AK9: variants seen among roughly 807,000 people sequenced by gnomAD.
The protein encoded by AK9 is adenylate kinase domain containing 1.
In AK9, 191 loss-of-function variants were observed where a neutral mutation model predicts 239.6. The observed-to-expected ratio is 0.80, with a 90% confidence interval of 0.71 to 0.90. The LOEUF (loss-of-function observed/expected upper bound fraction) is 0.90. Among genes scored for constraint, AK9 ranks in the 40% least tolerant of loss-of-function variants. The pLI is 0.00. For missense variants in AK9, 1,995 were observed against 2,214.7 expected, an observed-to-expected ratio of 0.90 and a Z score of 1.99; for synonymous variants, 689 against 721.0, an observed-to-expected ratio of 0.96 and a Z score of 0.71.
rs537934879 is a variant in AK9, at chr6:109,614,220, A to G, written c.1572T>C (p.Asn524=). ...DTEEAKTKSE[N]VLHDQAAKVD... ...CTTTAGCAGCTTGATCATGGAGGAC[A>G]TTTTCTGACTTTGTTTTGGCTTCTT... Residue 524 remains asparagine, a synonymous_variant, in exon 15 of 41, where the codon AAT becomes AAC. Transcript: ENST00000424296. 2 of 1,551,128 alleles carry G rather than the reference A, an allele frequency of 1.3e-6. No homozygotes were observed. Among genetic ancestry groups the G allele is most frequent in the Non-Finnish European group, 1.7e-6 (2 of 1,146,742 alleles).
In AK9 at chr6:109,499,085, T is replaced by C; in HGVS notation, c.5005A>G (p.Arg1669Gly). ...GAACTCATTTTATAGTAGTGCCCCC[T>C]GAACTCTGCTGCAAATTCCAAGGAG... ...TDSLEFAAEF[R>G]GHYYKMSSQE... Residue 1669 changes from arginine to glycine, a missense_variant, in exon 36 of 41, where the codon AGG becomes GGG. Physicochemically the swap from Arg to Gly is moderately radical, Grantham distance 125 (BLOSUM62 -2). Coordinates refer to ENST00000424296, the MANE Select transcript of AK9 (RefSeq NM_001145128.3). 1.2e-6 allele frequency: 2 copies of C among 1,600,010 alleles called. No homozygotes were observed. Among genetic ancestry groups the C allele is most frequent in the East Asian group, 2.3e-5 (1 of 44,264 alleles).
At chr6:109,599,135 A>T (rs750592825) in intron 17 of AK9, among the ~76,000 whole-genome samples, 4 of 152,218 alleles carry the variant, frequency 2.6e-5, no homozygotes, top group Non-Finnish European at 1.5e-5. Context: ...TGTTTTAGAC[A>T]TGAAGTCCTT....
At chr6:109,654,497 G>GT (rs991519690) in intron 8 of AK9, among the ~76,000 whole-genome samples, 1 of 151,838 alleles carries the variant, frequency 6.6e-6, no homozygotes, top group Admixed American at 6.6e-5. Context: ...ATGCCCGGCT[G>GT]TTTTTTGGAT....
chr6:109,516,398 T>C (rs777270147), intron 30 of AK9, 32 bp downstream of exon 30: 2 of 1,518,450 alleles, frequency 1.3e-6, no homozygotes, highest in South Asian at 2.4e-5. Context: ...ATATTACTTT[T>C]GAATTATAAA....
At chr6:109,669,522 G>C (rs952627784) in intron 5 of AK9, among the ~76,000 whole-genome samples, 6 of 152,030 alleles carry the variant, frequency 3.9e-5, no homozygotes, top group African/African-American at 1.2e-4. Context: ...ATTGGCTGTG[G>C]GTTTGTCATA....
intron 8 of AK9, 110 bp from the exon 9 acceptor site, chr6:109,644,798 T>C: frequency 1.2e-6 from 1 of 812,528 alleles, no homozygotes. Flanking sequence ...ATTGTTTGCC[T>C]TATACATGCT....
chr6:109,538,263 G>A (rs1299026493), intron 27 of AK9, among the ~76,000 whole-genome samples: 1 of 152,102 alleles, frequency 6.6e-6, no homozygotes, highest in African/African-American at 2.4e-5. Flanking sequence ...GGTCTCTAAG[G>A]ACTTGCTTTA....
chr6:109,678,006 G>T (rs1351231668), intron 1 of AK9, among the ~76,000 whole-genome samples: 1 of 152,136 alleles, frequency 6.6e-6, no homozygotes, highest in Non-Finnish European at 1.5e-5. Context: ...ATATTTGGAA[G>T]TTTCTTAAAA....
chr6:109,676,212 AAT>A (rs1275056732), intron 1 of AK9, among the ~76,000 whole-genome samples: 1 of 152,118 alleles, frequency 6.6e-6, no homozygotes, highest in African/African-American at 2.4e-5. Flanking sequence ...TTCCAAAAGT[AAT>A]GTCATTTTTA....
At chr6:109,544,506 T>C (rs75671610) in intron 26 of AK9, among the ~76,000 whole-genome samples, 5 of 152,270 alleles carry the variant, frequency 3.3e-5, no homozygotes, top group Middle Eastern at 3.4e-3. Context: ...TGAGTGCTCA[T>C]GAGATCCAGT....
intron 6 of AK9, among the ~76,000 whole-genome samples, chr6:109,659,910 A>G (rs1160393856): frequency 1.3e-5 from 2 of 152,194 alleles, no homozygotes; most frequent in Non-Finnish European, 2.9e-5. Flanking sequence ...AAGATCATCT[A>G]TTCTAGTATA....
intron 21 of AK9, among the ~76,000 whole-genome samples, chr6:109,570,403 A>C (rs1787263248): frequency 6.6e-6 from 1 of 152,086 alleles, no homozygotes; most frequent in Non-Finnish European, 1.5e-5. Context: ...TGTTGTGCAC[A>C]TGTACCCTCT....
At chr6:109,539,783 T>C (rs1007552989) in intron 27 of AK9, among the ~76,000 whole-genome samples, 7 of 152,214 alleles carry the variant, frequency 4.6e-5, no homozygotes, top group Non-Finnish European at 7.3e-5. Context: ...GGGGTTTTGG[T>C]GTGGATGTCC....
At chr6:109,580,120 T>C (rs1179165989) in intron 19 of AK9, among the ~76,000 whole-genome samples, 1 of 152,170 alleles carries the variant, frequency 6.6e-6, no homozygotes, top group East Asian at 1.9e-4. Context: ...TCTTTAACTT[T>C]TTGCATTAAA....
Position 109,497,970 on chromosome 6 carries a change from TA to T in AK9, c.5047-6del, listed in dbSNP as rs546451955. 1.2e-5 allele frequency: 20 copies of T among 1,611,838 alleles called. No homozygotes were observed. The highest frequency in any genetic ancestry group is 1.7e-5 in the Non-Finnish European group (20 of 1,178,486). On this transcript the variant is annotated splice_region_variant and splice_polypyrimidine_tract_variant and intron_variant, in intron 36 of 40. Coordinates refer to ENST00000424296, the MANE Select transcript of AK9 (RefSeq NM_001145128.3). Reference sequence around the variant, plus strand: ...TTCTGGGTTCTCCAAGAATTTCTATTAAAAAAGAATTCCAGTAGCAACATGA... The same window carrying T: ...TTCTGGGTTCTCCAAGAATTTCTATTAAAAAGAATTCCAGTAGCAACATGA...
At chr6:109,572,528 G>A (rs2128195216) in intron 21 of AK9, among the ~76,000 whole-genome samples, 1 of 152,254 alleles carries the variant, frequency 6.6e-6, no homozygotes, top group African/African-American at 2.4e-5. Flanking sequence ...GATGCTTGGG[G>A]CTTCAATATC....
intron 17 of AK9, among the ~76,000 whole-genome samples, chr6:109,591,283 CT>C (rs1400111624): frequency 2.6e-5 from 4 of 152,082 alleles, no homozygotes; most frequent in Non-Finnish European, 5.9e-5. Context: ...CCTTCTTTGT[CT>C]TTTTTTAACT....
intron 29 of AK9, chr6:109,528,283 C>T (rs1780767455): frequency 1.4e-5 from 5 of 352,562 alleles, no homozygotes; most frequent in South Asian, 1.1e-4. Flanking sequence ...TAGCATGACA[C>T]CTTAAACAGA....
At chr6:109,587,670 C>T (rs1208712013) in intron 17 of AK9, among the ~76,000 whole-genome samples, 1 of 152,180 alleles carries the variant, frequency 6.6e-6, no homozygotes, top group Non-Finnish European at 1.5e-5. Flanking sequence ...CATGTTACTG[C>T]AAAAGACATG....
Sources: allele counts gnomAD v4.1 joint callset (sites outside exome capture counted in the v4.1 genomes callset), GRCh38; gene constraint gnomAD v4.1.1; transcripts MANE v1.5; gene names NCBI Gene and HGNC (gene_info 2026-07-23, HGNC 2026-07-21).